Variants in SUPT3H observed in about 807,000 individuals in gnomAD.
SUPT3H encodes the protein transcription initiation protein SPT3 homolog.
Under a neutral mutation model 44.3 loss-of-function variants are expected in SUPT3H, and 44 were observed. That is an observed-to-expected ratio of 0.99 (90% CI 0.78 to 1.28). The LOEUF is 1.28. Among genes scored for constraint, SUPT3H ranks in the 50% most tolerant of loss-of-function variants. The probability of loss-of-function intolerance (pLI) is 0.00; values close to 1 mark genes in which losing one functional copy is unlikely to be tolerated. For missense variants in SUPT3H, 380 were observed against 387.1 expected (o/e 0.98, Z 0.15); for synonymous variants, 124 against 125.6 (o/e 0.99, Z 0.09).
intron 6 of SUPT3H, among the ~76,000 whole-genome samples, chr6:44,987,835 G>A (rs1415960529): frequency 6.6e-6 from 1 of 152,090 alleles, no homozygotes; most frequent in Non-Finnish European, 1.5e-5. Context: ...AGTGAATCTG[G>A]AGAATGAGTG....
intron 2 of SUPT3H, among the ~76,000 whole-genome samples, chr6:45,202,906 ATG>A (rs201327733): frequency 7.9e-5 from 12 of 151,896 alleles, no homozygotes; most frequent in East Asian, 1.9e-4. Context: ...CTACAAATGT[ATG>A]TGTGTGTGTG....
intron 2 of SUPT3H, among the ~76,000 whole-genome samples, chr6:45,239,291 C>T (rs996038937): frequency 6.6e-6 from 1 of 152,216 alleles, no homozygotes; most frequent in Admixed American, 6.5e-5. Flanking sequence ...ACAGCTCATA[C>T]ATGTCTTCCA....
At chr6:44,846,685 G>A (rs751874461) in intron 10 of SUPT3H, among the ~76,000 whole-genome samples, 1 of 151,744 alleles carries the variant, frequency 6.6e-6, no homozygotes, top group Non-Finnish European at 1.5e-5. Context: ...AGGCTGGAGT[G>A]CAGTGGCGCA....
intron 2 of SUPT3H, among the ~76,000 whole-genome samples, chr6:45,309,685 G>A (rs774195225): frequency 9.9e-5 from 15 of 151,996 alleles, no homozygotes; most frequent in Non-Finnish European, 1.5e-4. Context: ...AAGAATAGAC[G>A]AAGGTATATT....
intron 2 of SUPT3H, among the ~76,000 whole-genome samples, chr6:45,126,709 T>C (rs918548615): frequency 1.3e-5 from 2 of 152,160 alleles, no homozygotes; most frequent in African/African-American, 4.8e-5. Flanking sequence ...AGCCTGGAAT[T>C]TAGAATAAAA....
chr6:45,346,227 A>G (rs571465400), intron 2 of SUPT3H, among the ~76,000 whole-genome samples: 1 of 152,272 alleles, frequency 6.6e-6, no homozygotes, highest in East Asian at 1.9e-4. Flanking sequence ...ATATATGTAA[A>G]TATATATAAT....
chr6:45,257,398 G>T (rs1234095412), intron 2 of SUPT3H, among the ~76,000 whole-genome samples: 1 of 152,158 alleles, frequency 6.6e-6, no homozygotes, highest in Non-Finnish European at 1.5e-5. Context: ...TTCATTCAAT[G>T]CAAGAAGGAT....
chr6:44,920,534 C>A (rs1421826013), intron 10 of SUPT3H, among the ~76,000 whole-genome samples: 1 of 147,572 alleles, frequency 6.8e-6, no homozygotes, highest in Non-Finnish European at 1.5e-5. Context: ...TGCATCACAG[C>A]CTGGGTGATA....
chr6:45,218,893 C>A (rs1354948232), intron 2 of SUPT3H, among the ~76,000 whole-genome samples: 1 of 152,150 alleles, frequency 6.6e-6, no homozygotes, highest in Non-Finnish European at 1.5e-5. Context: ...CAAATCTCAA[C>A]ATATTTCAAA....
intron 10 of SUPT3H, among the ~76,000 whole-genome samples, chr6:44,845,734 C>CT (rs1251587704): frequency 6.6e-6 from 1 of 152,202 alleles, no homozygotes; most frequent in African/African-American, 2.4e-5. Flanking sequence ...TTGAGGGGAG[C>CT]TCGCTGGCAT....
At chr6:45,178,656 T>G (rs543910377) in intron 2 of SUPT3H, among the ~76,000 whole-genome samples, 61 of 152,174 alleles carry the variant, frequency 4.0e-4, no homozygotes, top group African/African-American at 1.4e-3. Context: ...ATTGACCACA[T>G]AGTTGGAAGT....
chr6:44,994,162 T>C (rs1475092651), intron 6 of SUPT3H, among the ~76,000 whole-genome samples: 1 of 152,164 alleles, frequency 6.6e-6, no homozygotes, highest in Admixed American at 6.6e-5. Context: ...GGTCAGTTAT[T>C]ACTCTAGGAC....
At chr6:45,181,793 C>T (rs1813263662) in intron 2 of SUPT3H, among the ~76,000 whole-genome samples, 2 of 151,456 alleles carry the variant, frequency 1.3e-5, no homozygotes, top group African/African-American at 4.9e-5. Flanking sequence ...GTGCAGCGCA[C>T]CAGCATGGTA....
chr6:45,196,056 A>G (rs1815961384), intron 2 of SUPT3H, among the ~76,000 whole-genome samples: 1 of 152,136 alleles, frequency 6.6e-6, no homozygotes, highest in Non-Finnish European at 1.5e-5. Context: ...CACGCTAAAA[A>G]TATATTTCAC....
At chr6:45,282,372 A>G (rs1426267624) in intron 2 of SUPT3H, among the ~76,000 whole-genome samples, 2 of 152,192 alleles carry the variant, frequency 1.3e-5, no homozygotes, top group Non-Finnish European at 2.9e-5. Flanking sequence ...TAGAATAACC[A>G]ATGCAGAGAA....
intron 3 of SUPT3H, among the ~76,000 whole-genome samples, chr6:45,057,964 A>C (rs1791390783): frequency 1.3e-5 from 2 of 152,208 alleles, no homozygotes; most frequent in African/African-American, 2.4e-5. Context: ...CTACGTGAAA[A>C]TGTTGACAAT....
At chr6:44,939,524 T>C (rs1582631248) in intron 9 of SUPT3H, among the ~76,000 whole-genome samples, 1 of 152,144 alleles carries the variant, frequency 6.6e-6, no homozygotes, top group East Asian at 1.9e-4. Flanking sequence ...TGTACTTTTC[T>C]GTTTTTGTTG....
intron 2 of SUPT3H, among the ~76,000 whole-genome samples, chr6:45,198,474 T>G (rs1413227318): frequency 1.3e-5 from 2 of 151,318 alleles, no homozygotes; most frequent in Non-Finnish European, 3.0e-5. Context: ...AATATTTGTT[T>G]TCTTAATTAA....
intron 10 of SUPT3H, among the ~76,000 whole-genome samples, chr6:44,910,621 T>C (rs1043726796): frequency 6.6e-6 from 1 of 152,094 alleles, no homozygotes; most frequent in Admixed American, 6.6e-5. Flanking sequence ...GTGAATCTTC[T>C]TCATAATTAG....
Sources: allele counts gnomAD v4.1 joint callset (sites outside exome capture counted in the v4.1 genomes callset), GRCh38; gene constraint gnomAD v4.1.1; transcripts MANE v1.5; gene names NCBI Gene and HGNC (gene_info 2026-07-23, HGNC 2026-07-21).